The following SMURF2 variants were observed in gnomAD, a reference collection of about 807,000 sequenced individuals.
SMURF2 encodes E3 ubiquitin-protein ligase SMURF2.
SMURF2 carries 48 observed loss-of-function variants against 109.6 expected under a neutral mutation model. The ratio of observed to expected loss-of-function variants is 0.44; its 90% confidence interval spans 0.35 to 0.56. The LOEUF (loss-of-function observed/expected upper bound fraction) is 0.56, where lower values mean the gene tolerates loss of function less well. SMURF2 is among the 20% of genes least tolerant of loss of function. The probability of loss-of-function intolerance (pLI) is 0.01; values close to 1 mark genes in which losing one functional copy is unlikely to be tolerated. For missense variants in SMURF2, 575 were observed against 909.0 expected (o/e 0.63, Z 4.72); for synonymous variants, 288 against 317.1 (o/e 0.91, Z 0.97).
intron 7 of SMURF2, 101 bp downstream of exon 7, chr17:64,583,360 A>G: frequency 2.1e-6 from 2 of 964,232 alleles, no homozygotes; most frequent in Non-Finnish European, 3.3e-6. Context: ...TACGACAGCA[A>G]AAACCAAGAA....
intron 1 of SMURF2, among the ~76,000 whole-genome samples, chr17:64,636,700 A>C (rs1555692111): frequency 6.6e-6 from 1 of 151,402 alleles, no homozygotes; most frequent in African/African-American, 2.4e-5. Flanking sequence ...AATCACTTGA[A>C]CCCAGGAGGT....
At chr17:64,555,764 T>A in intron 14 of SMURF2, 56 bp downstream of exon 14, 1 of 1,245,274 alleles carries the variant, frequency 8.0e-7, no homozygotes, top group Non-Finnish European at 1.1e-6. Flanking sequence ...TTTTGAAACA[T>A]ATTTTTTTTT....
At chr17:64,588,944 T>C (rs1969710595) in intron 5 of SMURF2, among the ~76,000 whole-genome samples, 1 of 152,154 alleles carries the variant, frequency 6.6e-6, no homozygotes, top group Non-Finnish European at 1.5e-5. Context: ...TTTTTAAAGT[T>C]AGTCTTCTAG....
chr17:64,646,852 T>G (rs1009317558), intron 1 of SMURF2, among the ~76,000 whole-genome samples: 4 of 152,228 alleles, frequency 2.6e-5, no homozygotes, highest in African/African-American at 4.8e-5. Context: ...GGAAGGCCTC[T>G]CACCACAATG....
intron 1 of SMURF2, among the ~76,000 whole-genome samples, chr17:64,649,956 T>C (rs1555693331): frequency 6.6e-6 from 1 of 152,234 alleles, no homozygotes; most frequent in African/African-American, 2.4e-5. Flanking sequence ...ATGCCTTTTT[T>C]TTCTTGCCTA....
intron 1 of SMURF2, among the ~76,000 whole-genome samples, chr17:64,656,768 T>C (rs1970711458): frequency 6.6e-6 from 1 of 152,218 alleles, no homozygotes; most frequent in South Asian, 2.1e-4. Context: ...ATCTGAACGA[T>C]GGTTGCTGTT....
chr17:64,593,396 C>T, intron 4 of SMURF2, 44 bp downstream of exon 4: 10 of 1,571,860 alleles, frequency 6.4e-6, no homozygotes, highest in Non-Finnish European at 8.6e-6. Flanking sequence ...TACACACACA[C>T]ACATATATGT....
intron 9 of SMURF2, among the ~76,000 whole-genome samples, chr17:64,575,525 TA>T (rs1484449439): frequency 1.3e-5 from 2 of 151,960 alleles, no homozygotes; most frequent in Admixed American, 1.3e-4. Flanking sequence ...AAGTAATGAG[TA>T]ATAGCACATT....
At chr17:64,637,230 G>A (rs1280630442) in intron 1 of SMURF2, among the ~76,000 whole-genome samples, 4 of 151,522 alleles carry the variant, frequency 2.6e-5, no homozygotes, top group South Asian at 2.1e-4. Context: ...AGGTTCAAGC[G>A]ATTCTCTTGC....
chr17:64,553,082 G>A (rs1356022092), intron 15 of SMURF2, among the ~76,000 whole-genome samples: 1 of 151,972 alleles, frequency 6.6e-6, no homozygotes, highest in East Asian at 1.9e-4. Flanking sequence ...ATTAACTATG[G>A]AGACAGTAAA....
rs191709164 is a variant in SMURF2 at position 64,543,020 on chromosome 17, T to G, written c.*2828A>C. The G allele has an allele frequency of 1.3e-5, 2 of 151,924 alleles. No homozygotes were observed. The highest frequency in any genetic ancestry group is 6.5e-5 in the Admixed American group (1 of 15,270). 9.4% of individuals were successfully genotyped at this position (151,924 alleles called of 1,614,324 possible). Reference sequence around the variant, plus strand: ...CATTCATGATGGAAAGGCAAGAGTATGAAAACAGATATCACATATCTGAAA... The same window carrying G: ...CATTCATGATGGAAAGGCAAGAGTAGGAAAACAGATATCACATATCTGAAA... On this transcript the variant is annotated 3_prime_UTR_variant, in exon 19 of 19. Transcript: ENST00000262435.
intron 6 of SMURF2, among the ~76,000 whole-genome samples, chr17:64,583,927 T>G (rs1256871046): frequency 6.6e-6 from 1 of 152,152 alleles, no homozygotes; most frequent in Non-Finnish European, 1.5e-5. Flanking sequence ...CCTCCCAAAG[T>G]GCTGGGATTA....
intron 5 of SMURF2, among the ~76,000 whole-genome samples, chr17:64,587,786 A>T (rs1206050078): frequency 3.9e-5 from 6 of 152,250 alleles, no homozygotes; most frequent in Non-Finnish European, 8.8e-5. Flanking sequence ...AGACAACTGT[A>T]TCAATCAGTT....
chr17:64,631,316 G>GAGAGAGAGAGAC (rs1568203008), intron 1 of SMURF2, among the ~76,000 whole-genome samples: 6 of 121,830 alleles, frequency 4.9e-5, no homozygotes, highest in Non-Finnish European at 8.2e-5. Flanking sequence ...GAGAGAGAGA[G>GAGAGAGAGAGAC]AGAGAGAGAG....
At chr17:64,644,515 G>C (rs1302876836) in intron 1 of SMURF2, among the ~76,000 whole-genome samples, 2 of 150,088 alleles carry the variant, frequency 1.3e-5, no homozygotes, top group East Asian at 4.0e-4. Context: ...AGGAATGCTT[G>C]AGCCTGGGTG....
At chr17:64,627,555 T>A (rs16947947) in intron 1 of SMURF2, among the ~76,000 whole-genome samples, 7,649 of 152,254 alleles carry the variant, frequency 0.05, 317 homozygotes, top group Admixed American at 0.14. Flanking sequence ...ATATAGCTAC[T>A]GAACTACACG....
At chr17:64,608,291 G>C (rs1970000125) in intron 1 of SMURF2, among the ~76,000 whole-genome samples, 2 of 151,510 alleles carry the variant, frequency 1.3e-5, no homozygotes, top group Non-Finnish European at 2.9e-5. Flanking sequence ...TCACTCTAAG[G>C]GTTCACATAA....
chr17:64,580,887 T>G lies in SMURF2; in HGVS notation c.674A>C (p.Asp225Ala), dbSNP rs1969569988. ...GACTCTCCTCTCTGCCAGCCTGGGATCTGAAGACTGTCCACATGTTGCACC... is the reference window on the plus strand; with the variant it reads ...GACTCTCCTCTCTGCCAGCCTGGGAGCTGAAGACTGTCCACATGTTGCACC... Reference protein sequence around the residue: ...TNGATCGQSSDPRLAERRVRS... With the variant: ...TNGATCGQSSAPRLAERRVRS... The change falls in exon 8 of 19, where the codon GAT (aspartate) becomes GCT (alanine). Residue 225 changes from aspartate to alanine, a missense_variant. By Grantham distance (126) the Asp-to-Ala change is moderately radical. This residue lies in a region of SMURF2 where 151 missense variants were observed against 178.4 expected (regional missense o/e 0.85). Coordinates refer to ENST00000262435, the MANE Select transcript of SMURF2 (RefSeq NM_022739.4). The G allele has an allele frequency of 6.2e-7, 1 of 1,614,182 alleles. No homozygotes were observed. Among genetic ancestry groups the G allele is most frequent in the African/African-American group, 1.3e-5 (1 of 75,066 alleles).
intron 16 of SMURF2, among the ~76,000 whole-genome samples, chr17:64,551,368 A>G (rs1415525178): frequency 6.6e-6 from 1 of 151,952 alleles, no homozygotes; most frequent in African/African-American, 2.4e-5. Flanking sequence ...GAAAAAAAAA[A>G]AGAGAGAGAG....
Sources: allele counts gnomAD v4.1 joint callset (sites outside exome capture counted in the v4.1 genomes callset), GRCh38; gene constraint gnomAD v4.1.1; regional missense constraint gnomAD v4.1.1; transcripts MANE v1.5; gene names NCBI Gene and HGNC (gene_info 2026-07-23, HGNC 2026-07-21).